EBF2: variants seen among roughly 807,000 people sequenced by gnomAD.
EBF2 encodes transcription factor COE2.
EBF2 carries 21 observed loss-of-function variants against 72.8 expected under a neutral mutation model. The ratio of observed to expected loss-of-function variants is 0.29; its 90% CI spans 0.20 to 0.42. EBF2 has a LOEUF of 0.42. Ranked by LOEUF, EBF2 falls within the 10% of genes least tolerant of loss-of-function variation. EBF2 has a pLI of 1.00. For synonymous variants in EBF2, 299 were observed against 274.2 expected (o/e 1.09, Z -0.89); for missense variants, 637 against 731.2 (o/e 0.87, Z 1.49).
rs745411054 is a variant in EBF2 at position 26,040,940 on chromosome 8, G to T, written c.351C>A (p.Asn117Lys). Residue 117 changes from asparagine (N) to lysine (K), a missense_variant and splice_region_variant, in exon 3 of 16, where the codon AAC (asparagine) becomes AAA (lysine). Physicochemically the swap from Asn to Lys is moderately conservative, Grantham distance 94. Transcript: ENST00000520164. ...CACCGTTGCTGTAGAAGAGCTCACC[G>T]TTGCTGTAGAGGAGCTGTAACTTGT... Reference protein sequence around the residue: ...THYKLQLLYSNGVRTEQDLYV... With the variant: ...THYKLQLLYSKGVRTEQDLYV... 1 of 1,614,206 alleles carries T rather than the reference G, an allele frequency of 6.2e-7. No homozygotes were observed. Among genetic ancestry groups the T allele is most frequent in the Non-Finnish European group, 8.5e-7 (1 of 1,180,038 alleles).
intron 6 of EBF2, among the ~76,000 whole-genome samples, chr8:25,966,134 C>T (rs776979248): frequency 2.0e-5 from 3 of 152,218 alleles, no homozygotes. Flanking sequence ...TCTCAAAGGG[C>T]AAGAGGGCTT....
chr8:26,024,451 T>C lies in EBF2; in HGVS notation c.551+8634A>G, dbSNP rs1585231926. 2.0e-5 allele frequency among the ~76,000 whole-genome samples: 3 copies of C among 152,206 alleles called. No individual in the cohort carries two copies. The East Asian group carries it at 5.8e-4, about 29-fold the overall frequency. On this transcript the variant is annotated intron_variant, in intron 6 of 15. Transcript: ENST00000520164. ...CCCTAAGACCCCACTGCAAGGTCCA[T>C]GGCATAATAGGCCCTTGATAAATAC...
At chr8:25,930,641 A>G (rs1803464113) in intron 6 of EBF2, among the ~76,000 whole-genome samples, 1 of 152,170 alleles carries the variant, frequency 6.6e-6, no homozygotes, top group African/African-American at 2.4e-5. Context: ...AGCCTCATTC[A>G]AGGGACTTTT....
intron 6 of EBF2, among the ~76,000 whole-genome samples, chr8:26,002,892 AGGCAGGCGGGCAGGCG>A (rs1308033818): frequency 9.4e-4 from 31 of 33,060 alleles, no homozygotes; most frequent in African/African-American, 3.1e-3. Flanking sequence ...GCAGGCGGGC[AGGCAGGCGGGCAGGCG>A]GGCAGGCGGG....
chr8:25,904,452 G>A (rs1054449930), intron 7 of EBF2, among the ~76,000 whole-genome samples: 3 of 150,648 alleles, frequency 2.0e-5, no homozygotes, highest in Non-Finnish European at 4.4e-5. Flanking sequence ...GGGAAGGAGG[G>A]GGGAGAGTTT....
At chr8:25,978,341 CT>C (rs1804301136) in intron 6 of EBF2, among the ~76,000 whole-genome samples, 1 of 152,214 alleles carries the variant, frequency 6.6e-6, no homozygotes, top group Non-Finnish European at 1.5e-5. Context: ...GGCAGATTTT[CT>C]TTTACGACTG....
intron 6 of EBF2, among the ~76,000 whole-genome samples, chr8:26,023,648 T>A (rs1251415430): frequency 1.3e-5 from 2 of 152,190 alleles, no homozygotes; most frequent in South Asian, 2.1e-4. Flanking sequence ...TCCAGGCTAC[T>A]AAAAAATTCA....
Position 25,859,827 on chromosome 8 carries a change from C to T in EBF2, c.1342+1222G>A, listed in dbSNP as rs143407512. On this transcript the variant is annotated intron_variant, in intron 13 of 15. Transcript: ENST00000520164. ...AACCTCCTGGACTCAATCTATCCTC[C>T]CACCTCAACCTCCCAAATAGCAGGG... Among the ~76,000 whole-genome samples, 382 of 151,892 alleles carry T rather than the reference C, an allele frequency of 2.5e-3. 1 individual carries two copies. The highest frequency in any genetic ancestry group is 8.7e-3 in the African/African-American group (362 of 41,410).
chr8:25,898,847 A>G (rs949317377), intron 7 of EBF2, among the ~76,000 whole-genome samples: 2 of 152,106 alleles, frequency 1.3e-5, no homozygotes, highest in African/African-American at 4.8e-5. Context: ...GACTAAGAAC[A>G]CTTTGCTTTC....
intron 6 of EBF2, among the ~76,000 whole-genome samples, chr8:25,953,031 A>C (rs766756541): frequency 1.3e-5 from 2 of 152,236 alleles, no homozygotes; most frequent in East Asian, 3.8e-4. Flanking sequence ...CATTTGGTCC[A>C]GTTACAGATC....
chr8:26,020,498 T>C (rs1360410610), intron 6 of EBF2, among the ~76,000 whole-genome samples: 2 of 152,152 alleles, frequency 1.3e-5, no homozygotes, highest in African/African-American at 4.8e-5. Context: ...AGGGTGCAAG[T>C]CGCTAAGGGA....
chr8:26,042,576 TC>T (rs1278812089), intron 1 of EBF2, among the ~76,000 whole-genome samples: 3 of 151,994 alleles, frequency 2.0e-5, no homozygotes, highest in African/African-American at 7.2e-5. Flanking sequence ...CCCAGAGTGG[TC>T]CCCTAAGGAG....
chr8:25,879,545 G>C (rs1012843210), intron 10 of EBF2, among the ~76,000 whole-genome samples: 1 of 152,094 alleles, frequency 6.6e-6, no homozygotes, highest in African/African-American at 2.4e-5. Context: ...ATGTCCAGGG[G>C]TGTCTTTGAA....
intron 7 of EBF2, among the ~76,000 whole-genome samples, chr8:25,895,914 CGTGT>C (rs1170067344): frequency 8.3e-6 from 1 of 119,882 alleles, no homozygotes; most frequent in Admixed American, 8.5e-5. Flanking sequence ...TTTGGAACAC[CGTGT>C]GTGTATGTGT....
At chr8:25,850,140 TTTGCTC>T (rs1801931136) in intron 15 of EBF2, among the ~76,000 whole-genome samples, 1 of 152,278 alleles carries the variant, frequency 6.6e-6, no homozygotes, top group Admixed American at 6.5e-5. Flanking sequence ...GAGATGGAGT[TTTGCTC>T]TTGTTGCCCA....
rs1223559701 is a variant in EBF2, at chr8:26,041,584, C to T, written c.288+511G>A. On this transcript the variant is annotated intron_variant, in intron 2 of 15. Coordinates refer to ENST00000520164, the MANE Select transcript of EBF2 (RefSeq NM_022659.4). ...CACACATAGGTTTCGGCGGACTGTC[C>T]TTCATTTGAGACCGAACCCAGCCCC... The T allele has an allele frequency of 1.9e-5, 3 of 161,994 alleles. No individual in the cohort carries two copies. The East Asian group carries it at 5.4e-4, about 29-fold the overall frequency. 10.0% of individuals were successfully genotyped at this position (161,994 alleles called of 1,614,324 possible). A position where few individuals can be genotyped will look rare whatever the true frequency, so the allele number is the denominator to read the frequency against.
chr8:25,945,794 G>A (rs1803759574), intron 6 of EBF2, among the ~76,000 whole-genome samples: 1 of 151,942 alleles, frequency 6.6e-6, no homozygotes, highest in East Asian at 1.9e-4. Flanking sequence ...CTGGAGGGTG[G>A]CTAAATTGAT....
intron 14 of EBF2, among the ~76,000 whole-genome samples, chr8:25,852,443 T>TA (rs1483646610): frequency 1.1e-4 from 16 of 152,206 alleles, no homozygotes; most frequent in Non-Finnish European, 7.3e-5. Flanking sequence ...TTTCCCTGTC[T>TA]ACAACAGCAG....
intron 15 of EBF2, among the ~76,000 whole-genome samples, chr8:25,850,238 G>A (rs921782906): frequency 6.6e-6 from 1 of 152,046 alleles, no homozygotes; most frequent in African/African-American, 2.4e-5. Flanking sequence ...TCAGCCTCTC[G>A]AGTAGCTAGG....
Sources: allele counts gnomAD v4.1 joint callset (sites outside exome capture counted in the v4.1 genomes callset), GRCh38; gene constraint gnomAD v4.1.1; transcripts MANE v1.5; gene names NCBI Gene and HGNC (gene_info 2026-07-23, HGNC 2026-07-21).